The following PTPRF variants were observed in gnomAD, a reference collection of about 807,000 sequenced individuals.
The protein encoded by PTPRF is receptor-type tyrosine-protein phosphatase F.
A neutral mutation model predicts 201.8 loss-of-function variants in PTPRF; 59 were observed. That is an observed-to-expected ratio of 0.29 (90% confidence interval 0.24 to 0.36). PTPRF has a LOEUF of 0.36. Ranked by LOEUF, PTPRF falls within the 10% of genes least tolerant of loss-of-function variation. The pLI, the probability that PTPRF is intolerant of heterozygous loss-of-function variation, is 1.00. For synonymous variants in PTPRF, 1,088 were observed against 1,089.7 expected (o/e 1.00, Z 0.03); for missense variants, 2,132 against 2,690.5 (o/e 0.79, Z 4.59).
intron 1 of PTPRF, among the ~76,000 whole-genome samples, chr1:43,536,386 G>T (rs575763704): frequency 1.3e-5 from 2 of 152,304 alleles, no homozygotes; most frequent in South Asian, 2.1e-4. Flanking sequence ...CTTTGCAAAT[G>T]TTTAGTCTTC....
rs1400124126 is a variant in PTPRF, at chr1:43,588,013, G to A, written c.680-718G>A. Among the ~76,000 whole-genome samples the A allele has an allele frequency of 2.6e-5, 4 of 152,104 alleles. No individual in the cohort carries two copies. Among genetic ancestry groups the A allele is most frequent in the Admixed American group, 6.6e-5 (1 of 15,266 alleles). On this transcript the variant is annotated intron_variant, in intron 7 of 33. Coordinates refer to ENST00000359947, the MANE Select transcript of PTPRF (RefSeq NM_002840.5). The surrounding 1 kb of genome is among the most constrained non-coding windows in gnomAD (Gnocchi z 5.3). ...TGGCGCAGGAAGCCGTCTGTTCGGC[G>A]CCCTCATCATGTTACTGCCATCGTC...
intron 3 of PTPRF, among the ~76,000 whole-genome samples, chr1:43,549,912 A>G (rs1357979955): frequency 1.3e-5 from 2 of 151,928 alleles, no homozygotes; most frequent in Non-Finnish European, 2.9e-5. Context: ...TAGGAGGAGC[A>G]CATTTCAGAG....
At chr1:43,532,456 G>A (rs1643671298) in intron 1 of PTPRF, 2 of 154,116 alleles carry the variant, frequency 1.3e-5, no homozygotes, top group African/African-American at 4.8e-5. Flanking sequence ...GAAGGAACAG[G>A]GGCAGGGATC....
chr1:43,556,084 T>A (rs1355639200), intron 5 of PTPRF, among the ~76,000 whole-genome samples: 3 of 152,228 alleles, frequency 2.0e-5, no homozygotes, highest in Non-Finnish European at 4.4e-5. Context: ...AAAAAAATAT[T>A]TTTTGCCAAG....
rs1326207259 is a variant in PTPRF, at chr1:43,530,973, A to G, written c.-243A>G. The G allele has an allele frequency of 2.9e-4, 45 of 154,108 alleles. No homozygotes were observed. Among genetic ancestry groups the G allele is most frequent in the Non-Finnish European group, 5.3e-4 (38 of 71,688 alleles). The allele number at this position is 154,108 out of a possible 1,614,324, so 9.5% of individuals were successfully genotyped here. On this transcript the variant is annotated 5_prime_UTR_variant, in exon 1 of 34. Coordinates refer to ENST00000359947, the MANE Select transcript of PTPRF (RefSeq NM_002840.5). The surrounding 1 kb of genome is among the most constrained non-coding windows in gnomAD (Gnocchi z 4.1). ...CGGCTCCGGCTCCGGCTCCGGCTCC[A>G]GCTCGGGTGGCGGTGGCGGGAGCGG... is the stretch of plus-strand genomic sequence containing the variant.
rs866320796 is a variant in PTPRF at position 43,606,622 on chromosome 1, C to T, written c.3702+164C>T. ...AAGATCTGTCCCGGGGATCCTAAGA[C>T]GCGGCCCTGGGACCCAGAGGCCAGA... On this transcript the variant is annotated intron_variant, in intron 20 of 33. Transcript: ENST00000359947. Among the ~76,000 whole-genome samples the T allele has an allele frequency of 5.9e-5, 9 of 152,246 alleles. No individual in the cohort carries two copies. The South Asian group carries it at 6.2e-4, about 11-fold the overall frequency.
chr1:43,560,839 C>G (rs1346217699), intron 5 of PTPRF, among the ~76,000 whole-genome samples: 1 of 152,188 alleles, frequency 6.6e-6, no homozygotes, highest in African/African-American at 2.4e-5. Flanking sequence ...TCTCCCTCCC[C>G]TACCCCACCA....
intron 5 of PTPRF, among the ~76,000 whole-genome samples, chr1:43,564,822 G>A (rs1474954477): frequency 2.0e-5 from 3 of 152,186 alleles, no homozygotes; most frequent in African/African-American, 7.2e-5. Flanking sequence ...AGACGGTGCT[G>A]CCTGCCCCAG....
intron 1 of PTPRF, among the ~76,000 whole-genome samples, chr1:43,536,722 T>C (rs1486507036): frequency 6.6e-6 from 1 of 152,120 alleles, no homozygotes; most frequent in African/African-American, 2.4e-5. Context: ...GCCTGTATGC[T>C]GGGAGCAGCA....
chr1:43,571,365 T>C (rs1460198668), intron 6 of PTPRF, among the ~76,000 whole-genome samples: 2 of 152,148 alleles, frequency 1.3e-5, no homozygotes. Flanking sequence ...CACCCCCTCC[T>C]AAAGCTCCAA....
At position 43,620,909 on chromosome 1, in the gene PTPRF, C is replaced by T. The variant is rs754573543; in HGVS notation, c.5436C>T (p.Gly1812=). 6.8e-6 allele frequency: 11 copies of T among 1,614,068 alleles called. No homozygotes were observed. Among genetic ancestry groups the T allele is most frequent in the South Asian group, 3.3e-5 (3 of 91,088 alleles). Residue 1812 remains glycine, a synonymous_variant, in exon 32 of 34, where the codon GGC becomes GGT. Transcript: ENST00000359947. ...DWPEQGVPKT[G]EGFIDFIGQV... is the part of the protein sequence containing the mutation. ...CAGAGCAGGGCGTGCCCAAGACAGG[C>T]GAGGGATTCATTGACTTCATCGGGC...
Position 43,603,842 on chromosome 1 carries a change from G to A in PTPRF, c.2690G>A (p.Arg897Gln), listed in dbSNP as rs149018733. The change falls in exon 16 of 34, where the codon CGG becomes CAG. Residue 897 changes from arginine (R) to glutamine (Q), a missense_variant. Arg to Gln is a conservative substitution (Grantham distance 43). Transcript: ENST00000359947. This position sits in a 1 kb window ranked among gnomAD's most constrained non-coding sequence, Gnocchi z 5.8. ...ATCTTCCGGCTTGCTGCCAAGAACC[G>A]GGCTGGCTTGGGTGAGGAGTTCGAG... ...TYIFRLAAKN[R>Q]AGLGEEFEKE... The A allele has an allele frequency of 5.0e-6, 8 of 1,614,110 alleles. No individual in the cohort carries two copies. The African/African-American group carries it at 6.7e-5, about 13-fold the overall frequency.
At chr1:43,608,563 C>T (rs1171307764) in intron 21 of PTPRF, among the ~76,000 whole-genome samples, 2 of 152,196 alleles carry the variant, frequency 1.3e-5, no homozygotes, top group African/African-American at 2.4e-5. Context: ...GATGCTTCTT[C>T]TCTGGGGCAC....
rs1645133593 is a variant in PTPRF at position 43,553,042 on chromosome 1, A to G, written c.92-450A>G. On this transcript the variant is annotated intron_variant, in intron 3 of 33. Transcript: ENST00000359947. This position sits in a 1 kb window ranked among gnomAD's most constrained non-coding sequence, Gnocchi z 4.1. ...CCCCGGGGTGGATGGTGGTGCCATC[A>G]CTGAGATGGAGAGCAGGGGGAGGGA... 6.6e-6 allele frequency among the ~76,000 whole-genome samples: 1 copy of G among 152,126 alleles called. No homozygotes were observed. Among genetic ancestry groups the G allele is most frequent in the Non-Finnish European group, 1.5e-5 (1 of 68,022 alleles).
intron 1 of PTPRF, chr1:43,532,593 A>C (rs565989567): frequency 1.1e-5 from 2 of 181,158 alleles, no homozygotes; most frequent in Admixed American, 1.1e-4. Context: ...TGAGAAGGGA[A>C]GATCTGGTGG....
intron 9 of PTPRF, 22 bp downstream of exon 9, chr1:43,591,575 G>A (rs1466308192): frequency 2.0e-6 from 3 of 1,536,668 alleles, no homozygotes; most frequent in Non-Finnish European, 8.8e-7. Context: ...CATGCCGGCT[G>A]GGCAGCCAAC....
chr1:43,593,928 G>A (rs1651546135), intron 11 of PTPRF, among the ~76,000 whole-genome samples: 1 of 152,064 alleles, frequency 6.6e-6, no homozygotes, highest in South Asian at 2.1e-4. Context: ...AGAGGTTGCA[G>A]TGAGCCGAGA....
intron 11 of PTPRF, among the ~76,000 whole-genome samples, chr1:43,594,778 A>G (rs1651833618): frequency 6.6e-6 from 1 of 152,134 alleles, no homozygotes; most frequent in Non-Finnish European, 1.5e-5. Flanking sequence ...TGTGAAAACT[A>G]CAGCTGGTCT....
In PTPRF at chr1:43,603,736, G is replaced by A. The variant is rs536681179; in HGVS notation, c.2584G>A (p.Glu862Lys). The A allele has an allele frequency of 1.2e-5, 19 of 1,613,842 alleles. No individual in the cohort carries two copies. In the African/African-American group the frequency reaches 1.7e-4, roughly 15 times the overall value. ...CCGGCTGCAGTACTGCCGGGCCGAC[G>A]AGGCGCGGCCCAACACCATAGATTT... ...GYRLQYCRADEARPNTIDFGK... is the reference protein window; with the variant it reads ...GYRLQYCRADKARPNTIDFGK... Residue 862 changes from glutamate (E) to lysine (K), a missense_variant, in exon 16 of 34, where the codon GAG becomes AAG. Transcript: ENST00000359947. The surrounding 1 kb of genome is among the most constrained non-coding windows in gnomAD (Gnocchi z 5.8).
Sources: allele counts gnomAD v4.1 joint callset (sites outside exome capture counted in the v4.1 genomes callset), GRCh38; gene constraint gnomAD v4.1.1; non-coding constraint Gnocchi (gnomAD v3.1); transcripts MANE v1.5; gene names NCBI Gene and HGNC (gene_info 2026-07-23, HGNC 2026-07-21).